Variants in LRRC56 observed in about 807,000 individuals in gnomAD.
LRRC56 encodes the protein leucine-rich repeat-containing protein 56.
In LRRC56, 41 loss-of-function variants were observed where a neutral mutation model predicts 47.8. The ratio of observed to expected loss-of-function variants is 0.86; its 90% CI spans 0.67 to 1.11. The LOEUF is 1.11. Ranked by LOEUF, LRRC56 falls within the 50% of genes most tolerant of loss-of-function variation. LRRC56 has a pLI of 0.00. For missense variants in LRRC56, 759 were observed against 704.2 expected (o/e 1.08, Z -0.88); for synonymous variants, 387 against 311.2 (o/e 1.24, Z -2.56).
intron 13 of LRRC56, 27 bp from the exon 14 acceptor site, chr11:553,936 C>T (rs757432482): frequency 1.8e-5 from 29 of 1,597,676 alleles, no homozygotes; most frequent in African/African-American, 2.7e-5. Flanking sequence ...GCCTTTCTGA[C>T]GTCCCATCAC....
chr11:548,914 T>C (rs1353356365), intron 6 of LRRC56, among the ~76,000 whole-genome samples: 1 of 152,002 alleles, frequency 6.6e-6, no homozygotes, highest in African/African-American at 2.4e-5. Context: ...CCAGCAAACA[T>C]CTGTGAGTCA....
intron 2 of LRRC56, among the ~76,000 whole-genome samples, chr11:539,264 T>G (rs1343714426): frequency 6.6e-6 from 1 of 151,356 alleles, no homozygotes; most frequent in Non-Finnish European, 1.5e-5. Flanking sequence ...TTTTTGTATC[T>G]TTAGTAGAGA....
intron 6 of LRRC56, 66 bp from the exon 7 acceptor site, chr11:549,836 C>G: frequency 6.9e-7 from 1 of 1,443,632 alleles, no homozygotes; most frequent in South Asian, 1.2e-5. Context: ...TGAAGACAGC[C>G]AAAGGCAGGT....
At chr11:534,016 C>T (rs370694089), upstream of LRRC56, 157 of 1,515,590 alleles carry the variant, frequency 1.0e-4, no homozygotes, top group African/African-American at 1.8e-3. Flanking sequence ...CAGCCTCTCC[C>T]TGGTACCTCT....
At chr11:534,161 T>C (rs1319057539), upstream of LRRC56, 8 of 1,448,824 alleles carry the variant, frequency 5.5e-6, no homozygotes, top group African/African-American at 7.0e-5. Flanking sequence ...GGCTGTGTCC[T>C]GGGCTCGCCC....
chr11:531,804 G>A, the LRRC56 span, among the ~76,000 whole-genome samples: 1 of 152,236 alleles, frequency 6.6e-6, no homozygotes, highest in African/African-American at 2.4e-5. Context: ...AGAAAACTGG[G>A]CATGTGAAGG....
In LRRC56 at chr11:551,886, C is replaced by T. The variant is rs181901080; in HGVS notation, c.974-17C>T. The T allele has an allele frequency of 1.2e-6, 2 of 1,612,408 alleles. No individual in the cohort carries two copies. Among genetic ancestry groups the T allele is most frequent in the Non-Finnish European group, 1.7e-6 (2 of 1,179,720 alleles). On this transcript the variant is annotated splice_polypyrimidine_tract_variant and intron_variant, in intron 10 of 13. Coordinates refer to ENST00000270115, the MANE Select transcript of LRRC56 (RefSeq NM_198075.4). Reference sequence around the variant, plus strand: ...CCCTCGGCCCCGAACCAGGCCCAGCCATGCTGTCTCTTGCAGGTGCTGGCC... The same window carrying T: ...CCCTCGGCCCCGAACCAGGCCCAGCTATGCTGTCTCTTGCAGGTGCTGGCC...
chr11:509,164 A>G, the LRRC56 span, among the ~76,000 whole-genome samples: 3 of 152,166 alleles, frequency 2.0e-5, no homozygotes, highest in Admixed American at 6.5e-5. Flanking sequence ...CATCCTGCAC[A>G]CGTGAGCTTG....
rs1851694806 is a variant in LRRC56, at chr11:539,585, A to T, written c.-153A>T. 1 of 141,230 alleles carries T rather than the reference A, an allele frequency of 7.1e-6. No individual in the cohort carries two copies. The highest frequency in any genetic ancestry group is 7.2e-5 in the Admixed American group (1 of 13,852). The allele number at this position is 141,230 out of a possible 1,614,324, so 8.7% of individuals were successfully genotyped here. On this transcript the variant is annotated 5_prime_UTR_variant, in exon 3 of 14. Transcript: ENST00000270115. ...TTTTTTTTTTGTATTTTTAGTAGAG[A>T]CAGGGTTTCACCGTGTTAGCCAGGA...
At chr11:518,431 T>C in the LRRC56 span, among the ~76,000 whole-genome samples, 4 of 152,174 alleles carry the variant, frequency 2.6e-5, no homozygotes, top group African/African-American at 4.8e-5. Flanking sequence ...TCCACCCGCC[T>C]CGGCCTCGCA....
chr11:515,532 C>T, the LRRC56 span, among the ~76,000 whole-genome samples: 1 of 152,156 alleles, frequency 6.6e-6, no homozygotes, highest in Non-Finnish European at 1.5e-5. Flanking sequence ...GTAGGCCTTA[C>T]ATTTTGGCTT....
chr11:534,880 A>T (rs200984651), upstream of LRRC56, among the ~76,000 whole-genome samples: 120 of 152,046 alleles, frequency 7.9e-4, 1 homozygote, highest in Middle Eastern at 3.4e-3. Flanking sequence ...AGCGCCCCGC[A>T]CCCCCGGCGG....
the LRRC56 span, among the ~76,000 whole-genome samples, chr11:531,215 C>T: frequency 6.6e-6 from 1 of 151,940 alleles, no homozygotes; most frequent in East Asian, 1.9e-4. Flanking sequence ...GTGTGGTATT[C>T]CCTGGACAAA....
At chr11:522,477 A>G in the LRRC56 span, among the ~76,000 whole-genome samples, 26 of 152,246 alleles carry the variant, frequency 1.7e-4, no homozygotes, top group South Asian at 1.2e-3. Context: ...TGTGTTAGCC[A>G]GGATACTCTC....
At chr11:519,232 AAGGAACGTGGCCTGATACAC>A in the LRRC56 span, among the ~76,000 whole-genome samples, 1 of 152,330 alleles carries the variant, frequency 6.6e-6, no homozygotes, top group Admixed American at 6.5e-5. Context: ...TTTCTTCCTA[AAGGAACGTGGCCTGATACAC>A]AGGTGAGCTT....
upstream of LRRC56, among the ~76,000 whole-genome samples, chr11:534,984 G>A (rs886363929): frequency 1.3e-5 from 2 of 152,210 alleles, no homozygotes; most frequent in Non-Finnish European, 2.9e-5. Flanking sequence ...GCCGAGAAGC[G>A]GCGCGGGAGA....
chr11:521,910 G>A, the LRRC56 span, among the ~76,000 whole-genome samples: 1 of 126,264 alleles, frequency 7.9e-6, no homozygotes, highest in African/African-American at 3.5e-5. Flanking sequence ...GCAAGACTCC[G>A]TCTCAAAAAA....
At chr11:524,070 A>G in the LRRC56 span, among the ~76,000 whole-genome samples, 1 of 152,230 alleles carries the variant, frequency 6.6e-6, no homozygotes, top group African/African-American at 2.4e-5. Context: ...TAATTGATCT[A>G]TGGATTCATT....
chr11:546,139 A>AGG (rs1852065582), intron 6 of LRRC56, among the ~76,000 whole-genome samples: 2 of 152,134 alleles, frequency 1.3e-5, no homozygotes, highest in Admixed American at 6.6e-5. Flanking sequence ...GCATGGTGGC[A>AGG]CATGCCTGTA....
Sources: allele counts gnomAD v4.1 joint callset (sites outside exome capture counted in the v4.1 genomes callset), GRCh38; gene constraint gnomAD v4.1.1; transcripts MANE v1.5; gene names NCBI Gene and HGNC (gene_info 2026-07-23, HGNC 2026-07-21).